Variants in KLHL38 observed in about 807,000 individuals in gnomAD.
KLHL38 encodes kelch like family member 38.
In KLHL38, 38 loss-of-function variants were observed where a neutral mutation model predicts 39.6. The ratio of observed to expected loss-of-function variants is 0.96; its 90% CI spans 0.74 to 1.26. The LOEUF is 1.26. Among genes scored for constraint, KLHL38 ranks in the 50% most tolerant of loss-of-function variants. The probability of loss-of-function intolerance (pLI) is 0.00; values close to 1 mark genes in which losing one functional copy is unlikely to be tolerated. For missense variants in KLHL38, 803 were observed against 748.1 expected, an observed-to-expected ratio of 1.07 and a Z score of -0.86; for synonymous variants, 322 against 302.2, an observed-to-expected ratio of 1.07 and a Z score of -0.68.
At chr8:123,650,566 C>T (rs1812624893) in intron 2 of KLHL38, among the ~76,000 whole-genome samples, 1 of 152,090 alleles carries the variant, frequency 6.6e-6, no homozygotes, top group African/African-American at 2.4e-5. Flanking sequence ...GAGCAAAGTA[C>T]ATCTCGTGGA....
At position 123,652,226 on chromosome 8, in the gene KLHL38, T is replaced by A; in HGVS notation, c.701A>T (p.His234Leu). 1 of 1,614,106 alleles carries A rather than the reference T, an allele frequency of 6.2e-7. No individual in the cohort carries two copies. Among genetic ancestry groups the A allele is most frequent in the Non-Finnish European group, 8.5e-7 (1 of 1,180,018 alleles). ...LQYIHPAFFH[H>L]FIANDALLQS... ...CAGGAGGGCATCGTTGGCGATGAAG[T>A]GGTGAAAGAAGGCTGGGTGGATGTA... The change falls in exon 2 of 4, where the codon CAC becomes CTC. Residue 234 changes from histidine to leucine, a missense_variant. His to Leu is a moderately conservative substitution (Grantham distance 99, BLOSUM62 -3). Transcript: ENST00000684634.
intron 3 of KLHL38, 140 bp from the exon 4 acceptor site, chr8:123,646,168 A>G: frequency 1.4e-6 from 1 of 737,494 alleles, no homozygotes; most frequent in Non-Finnish European, 2.3e-6. Flanking sequence ...ATGTTGAGCT[A>G]ACCTGCCAAG....
Position 123,651,527 on chromosome 8 carries a change from C to T in KLHL38, c.1350+50G>A, listed in dbSNP as rs770883784. 6.6e-6 allele frequency: 10 copies of T among 1,518,604 alleles called. No homozygotes were observed. In the South Asian group the frequency reaches 1.0e-4, roughly 16 times the overall value. The allele number at this position is 1,518,604 out of a possible 1,614,324, so 94.1% of individuals were successfully genotyped here. Reference sequence around the variant, plus strand: ...GTGTGCAAGCAGGTGTGGGTGTGTCCAAGCACACATACTCATGCAGTTACG... The same window carrying T: ...GTGTGCAAGCAGGTGTGGGTGTGTCTAAGCACACATACTCATGCAGTTACG... On this transcript the variant is annotated intron_variant, in intron 2 of 3. Coordinates refer to ENST00000684634, the MANE Select transcript of KLHL38 (RefSeq NM_001081675.3).
Position 123,652,365 on chromosome 8 carries a change from C to T in KLHL38, c.562G>A (p.Gly188Arg). Reference protein sequence around the residue: ...LELRDYLGDDGLCGEEEKVFE... With the variant: ...LELRDYLGDDRLCGEEEKVFE... ...ACCTTTTCCTCCTCCCCACAGAGCCCATCATCTCCGAGATAGTCCCTCAAC... is the reference window on the plus strand; with the variant it reads ...ACCTTTTCCTCCTCCCCACAGAGCCTATCATCTCCGAGATAGTCCCTCAAC... Residue 188 changes from glycine (G) to arginine (R), a missense_variant, in exon 2 of 4, where the codon GGG (glycine) becomes AGG (arginine). Coordinates refer to ENST00000684634, the MANE Select transcript of KLHL38 (RefSeq NM_001081675.3). 1.2e-6 allele frequency: 2 copies of T among 1,613,960 alleles called. No individual in the cohort carries two copies. Among genetic ancestry groups the T allele is most frequent in the Non-Finnish European group, 1.7e-6 (2 of 1,180,044 alleles).
intron 3 of KLHL38, among the ~76,000 whole-genome samples, chr8:123,646,287 G>C (rs1170892936): frequency 6.6e-6 from 1 of 152,200 alleles, no homozygotes; most frequent in Non-Finnish European, 1.5e-5. Context: ...GCGGCCTCCT[G>C]ATTCCTGTAA....
intron 2 of KLHL38, among the ~76,000 whole-genome samples, chr8:123,648,067 C>T (rs375508511): frequency 7.2e-5 from 11 of 152,214 alleles, no homozygotes; most frequent in African/African-American, 9.6e-5. Context: ...GGTGACAGAG[C>T]GAAACTCCTT....
chr8:123,647,446 C>T (rs1818681917), intron 2 of KLHL38, among the ~76,000 whole-genome samples: 1 of 152,100 alleles, frequency 6.6e-6, no homozygotes, highest in South Asian at 2.1e-4. Flanking sequence ...AAGAATAAAT[C>T]TGAGGCTAAG....
chr8:123,652,456 C>A lies in KLHL38; in HGVS notation c.471G>T (p.Glu157Asp). The A allele has an allele frequency of 6.2e-7, 1 of 1,614,176 alleles. No individual in the cohort carries two copies. The highest frequency in any genetic ancestry group is 1.3e-5 in the African/African-American group (1 of 75,046). ...CCTCTGGGAAGGACGTCAGTGCCACCTCCCTGGCTTTCTTCTTGAGGGTCT... is the reference window on the plus strand; with the variant it reads ...CCTCTGGGAAGGACGTCAGTGCCACATCCCTGGCTTTCTTCTTGAGGGTCT... Reference protein sequence around the residue: ...SCETLKKKAREVALTSFPEVA... With the variant: ...SCETLKKKARDVALTSFPEVA... The change falls in exon 2 of 4, where the codon GAG (glutamate) becomes GAT (aspartate). Residue 157 changes from glutamate to aspartate, a missense_variant. Coordinates refer to ENST00000684634, the MANE Select transcript of KLHL38 (RefSeq NM_001081675.3).
At chr8:123,653,039 C>A in intron 1 of KLHL38, 112 bp from the exon 2 acceptor site, 1 of 1,082,448 alleles carries the variant, frequency 9.2e-7, no homozygotes, top group Non-Finnish European at 1.3e-6. Flanking sequence ...CTATTCCATT[C>A]CCCATGATGT....
In KLHL38 at chr8:123,651,972, G is replaced by A. The variant is rs1315603294; in HGVS notation, c.955C>T (p.Pro319Ser). ...GCAGAGGCCTTGTACAGCCGTGTCG[G>A]GAGTTTGGCAAGGCTCTGCCATTGG... ...TGQWQSLAKL[P>S]TRLYKASAIT... Residue 319 changes from proline to serine, a missense_variant, in exon 2 of 4, where the codon CCG becomes TCG. Coordinates refer to ENST00000684634, the MANE Select transcript of KLHL38 (RefSeq NM_001081675.3). The A allele has an allele frequency of 1.2e-6, 2 of 1,614,262 alleles. No individual in the cohort carries two copies. Among genetic ancestry groups the A allele is most frequent in the Admixed American group, 3.3e-5 (2 of 60,034 alleles).
intron 2 of KLHL38, 100 bp downstream of exon 2, chr8:123,651,477 G>C: frequency 7.9e-7 from 1 of 1,258,758 alleles, no homozygotes; most frequent in East Asian, 2.4e-5. Flanking sequence ...TGTGTTTTTT[G>C]GTGTGTATGT....
At chr8:123,653,029 C>G (rs1038955427) in intron 1 of KLHL38, 102 bp from the exon 2 acceptor site, 2 of 1,153,780 alleles carry the variant, frequency 1.7e-6, no homozygotes, top group Admixed American at 5.5e-5. Flanking sequence ...ACCAGTGCTC[C>G]TATTCCATTC....
rs1283859198 is a variant in KLHL38, at chr8:123,652,673, A to G, written c.254T>C (p.Leu85Pro). 2.5e-6 allele frequency: 4 copies of G among 1,614,034 alleles called. No individual in the cohort carries two copies. The highest frequency in any genetic ancestry group is 2.2e-5 in the East Asian group (1 of 44,880). ...VQLKGIDPPT[L>P]DQIVSYVYTG... ...ATACACGTAGGAGACGATCTGGTCCAGGGTTGGGGGGTCAATGCCTTTCAG... is the reference window on the plus strand; with the variant it reads ...ATACACGTAGGAGACGATCTGGTCCGGGGTTGGGGGGTCAATGCCTTTCAG... Residue 85 changes from leucine to proline, a missense_variant, in exon 2 of 4, where the codon CTG becomes CCG. By Grantham distance (98) the Leu-to-Pro change is moderately conservative. Transcript: ENST00000684634.
At chr8:123,646,342 A>G (rs1056520261) in intron 3 of KLHL38, among the ~76,000 whole-genome samples, 4 of 152,224 alleles carry the variant, frequency 2.6e-5, no homozygotes, top group African/African-American at 9.6e-5. Context: ...ATGCCCACTC[A>G]AGAACTATGA....
rs760056105 is a variant in KLHL38, at chr8:123,652,582, C to G, written c.345G>C (p.Gln115His). 3.7e-6 allele frequency: 6 copies of G among 1,614,180 alleles called. No individual in the cohort carries two copies. Among genetic ancestry groups the G allele is most frequent in the Non-Finnish European group, 5.1e-6 (6 of 1,180,010 alleles). ...LPVMEAASML[Q>H]FPKLFEACSS... is the part of the protein sequence containing the mutation. ...AGCAGGCCTCAAACAGCTTGGGGAA[C>G]TGTAGCATGGAGGCGGCCTCCATCA... The change falls in exon 2 of 4, where the codon CAG (glutamine) becomes CAC (histidine). Residue 115 changes from glutamine to histidine, a missense_variant. Coordinates refer to ENST00000684634, the MANE Select transcript of KLHL38 (RefSeq NM_001081675.3).
intron 2 of KLHL38, 151 bp downstream of exon 2, chr8:123,651,426 G>C (rs1305853434): frequency 1.2e-6 from 1 of 804,538 alleles, no homozygotes; most frequent in Non-Finnish European, 1.9e-6. Flanking sequence ...GCATATGTGT[G>C]TTTGTGTATA....
In KLHL38 at chr8:123,651,715, A is replaced by T; in HGVS notation, c.1212T>A (p.Tyr404Ter). The T allele has an allele frequency of 6.2e-7, 1 of 1,614,166 alleles. No individual in the cohort carries two copies. Among genetic ancestry groups the T allele is most frequent in the Non-Finnish European group, 8.5e-7 (1 of 1,180,020 alleles). Residue 404 changes from tyrosine to a stop codon, truncating the protein, a stop_gained, in exon 2 of 4, where the codon TAT (tyrosine) becomes TAA (stop). Coordinates refer to ENST00000684634, the MANE Select transcript of KLHL38 (RefSeq NM_001081675.3). LOFTEE classifies it high-confidence loss of function. ...GQELMGSMERYDSICNVWESM... is the reference protein window; with the variant it reads ...GQELMGSMER ...TCTCCCAGACATTGCAGATGCTGTC[A>T]TACCTTTCCATGGAGCCCATGAGCT...
rs537035441 is a variant in KLHL38, at chr8:123,651,409, C to A, written c.1350+168G>T. On this transcript the variant is annotated intron_variant, in intron 2 of 3. Coordinates refer to ENST00000684634, the MANE Select transcript of KLHL38 (RefSeq NM_001081675.3). ...ACATTTCTGCATATATGTGTGCACG[C>A]ATGTATGCATATGTGTGTTTGTGTA... Among the ~76,000 whole-genome samples the A allele has an allele frequency of 5.3e-5, 8 of 152,258 alleles. No homozygotes were observed. The South Asian group carries it at 1.7e-3, about 32-fold the overall frequency.
At position 123,646,976 on chromosome 8, in the gene KLHL38, C is replaced by G; in HGVS notation, c.1389G>C (p.Glu463Asp). Reference sequence around the variant, plus strand: ...CACACACGTTCTTGATCATTCTTGTCTCCATTTTGAACCACGAGTTTCTGG... The same window carrying G: ...CACACACGTTCTTGATCATTCTTGTGTCCATTTTGAACCACGAGTTTCTGG... The part of the protein sequence containing the change: ...HISRNSWFKM[E>D]TRMIKNVCAP... The change falls in exon 3 of 4, where the codon GAG becomes GAC. Residue 463 changes from glutamate (E) to aspartate (D), a missense_variant. Physicochemically the swap from Glu to Asp is conservative, Grantham distance 45. Transcript: ENST00000684634. 6.2e-7 allele frequency: 1 copy of G among 1,613,584 alleles called. No individual in the cohort carries two copies. Among genetic ancestry groups the G allele is most frequent in the Non-Finnish European group, 8.5e-7 (1 of 1,179,760 alleles).
Sources: allele counts gnomAD v4.1 joint callset (sites outside exome capture counted in the v4.1 genomes callset), GRCh38; gene constraint gnomAD v4.1.1; transcripts MANE v1.5; gene names NCBI Gene and HGNC (gene_info 2026-07-23, HGNC 2026-07-21).